The following HMCN1 variants were observed in gnomAD, a reference collection of about 807,000 sequenced individuals.
HMCN1 encodes the protein hemicentin 1, also known as hemicentin-1.
A neutral mutation model predicts 625.9 loss-of-function variants in HMCN1; 321 were observed. That is an observed-to-expected ratio of 0.51 (90% CI 0.47 to 0.56). The LOEUF is 0.56. Among genes scored for constraint, HMCN1 ranks in the 20% least tolerant of loss-of-function variants. The probability of loss-of-function intolerance (pLI) is 0.00; values close to 1 mark genes in which losing one functional copy is unlikely to be tolerated. For synonymous variants in HMCN1, 2,425 were observed against 2,417.6 expected, an observed-to-expected ratio of 1.00 and a Z score of -0.09; for missense variants, 6,588 against 6,887.3, an observed-to-expected ratio of 0.96 and a Z score of 1.54.
chr1:185,989,243 C>T (rs1007160649), intron 20 of HMCN1, among the ~76,000 whole-genome samples: 1 of 152,054 alleles, frequency 6.6e-6, no homozygotes, highest in Admixed American at 6.5e-5. Flanking sequence ...GATCTGCCCG[C>T]CTTGGCCTCC....
chr1:186,176,501 C>CT (rs1175151479), intron 103 of HMCN1, among the ~76,000 whole-genome samples: 1 of 152,160 alleles, frequency 6.6e-6, no homozygotes, highest in Non-Finnish European at 1.5e-5. Context: ...CCCATATGAT[C>CT]TTTTTTGTTT....
chr1:185,945,282 C>T (rs1668279472), intron 11 of HMCN1, among the ~76,000 whole-genome samples: 1 of 152,088 alleles, frequency 6.6e-6, no homozygotes, highest in Admixed American at 6.6e-5. Context: ...CTCATTCATA[C>T]TATGTAGTAG....
At chr1:185,839,987 A>G (rs1399291366) in intron 1 of HMCN1, among the ~76,000 whole-genome samples, 4 of 152,232 alleles carry the variant, frequency 2.6e-5, no homozygotes, top group Non-Finnish European at 5.9e-5. Flanking sequence ...CAAAACAATC[A>G]TAAGGGCCTT....
intron 41 of HMCN1, 136 bp from the exon 42 acceptor site, chr1:186,048,607 A>G (rs1656732182): frequency 6.0e-6 from 4 of 669,626 alleles, no homozygotes; most frequent in South Asian, 3.3e-5. Context: ...ATAGCCATTT[A>G]TATTGCTATT....
intron 97 of HMCN1, among the ~76,000 whole-genome samples, chr1:186,156,654 A>G (rs745349050): frequency 1.3e-5 from 2 of 152,202 alleles, no homozygotes; most frequent in Non-Finnish European, 2.9e-5. Flanking sequence ...AGCCTGTCCT[A>G]TGAAAATCAC....
chr1:186,057,375 T>C lies in HMCN1; in HGVS notation c.7286T>C (p.Leu2429Pro). Residue 2429 changes from leucine (L) to proline (P), a missense_variant, in exon 46 of 107, where the codon CTT (leucine) becomes CCT (proline). Leu to Pro is a moderately conservative substitution (Grantham distance 98). Coordinates refer to ENST00000271588, the MANE Select transcript of HMCN1 (RefSeq NM_031935.3). ...TTCAAAGATGGGTGGCCTGTCAGCC[T>C]TAGCAATTCTGTGAGGATTCTTTCA... is the stretch of plus-strand genomic sequence containing the variant. ...TWFKDGWPVS[L>P]SNSVRILSGG... The C allele has an allele frequency of 6.2e-7, 1 of 1,610,310 alleles. No homozygotes were observed. The highest frequency in any genetic ancestry group is 8.5e-7 in the Non-Finnish European group (1 of 1,176,926).
In HMCN1 at chr1:186,074,864, G is replaced by A; in HGVS notation, c.8263G>A (p.Glu2755Lys). Residue 2755 changes from glutamate to lysine, a missense_variant, in exon 53 of 107, where the codon GAG (glutamate) becomes AAG (lysine). Physicochemically the swap from Glu to Lys is moderately conservative, Grantham distance 56. Transcript: ENST00000271588. ...AGCATCTAACATTGCAGGTGAAGAT[G>A]AGTTGGATTTTGATGTGAATATTCA... ...CVASNIAGED[E>K]LDFDVNIQVP... is the part of the protein sequence containing the mutation. 3 of 1,612,776 alleles carry A rather than the reference G, an allele frequency of 1.9e-6. No homozygotes were observed. Among genetic ancestry groups the A allele is most frequent in the Non-Finnish European group, 2.5e-6 (3 of 1,179,062 alleles).
intron 4 of HMCN1, among the ~76,000 whole-genome samples, chr1:185,900,564 A>T (rs1665746719): frequency 1.3e-5 from 2 of 151,938 alleles, no homozygotes; most frequent in South Asian, 4.1e-4. Flanking sequence ...TAGACTGCCT[A>T]AAACATATAT....
chr1:186,093,948 A>G (rs1329231063), intron 66 of HMCN1, among the ~76,000 whole-genome samples: 1 of 152,072 alleles, frequency 6.6e-6, no homozygotes, highest in Non-Finnish European at 1.5e-5. Flanking sequence ...TGTTTTAGCT[A>G]AAACTTTATG....
chr1:185,923,372 A>G lies in HMCN1; in HGVS notation c.1022-18A>G. Reference sequence around the variant, plus strand: ...TTGCTTGTTTCTTGTAAATGATAACAAAATCTTTCTCTTGTAGGAATACCT... The same window carrying G: ...TTGCTTGTTTCTTGTAAATGATAACGAAATCTTTCTCTTGTAGGAATACCT... On this transcript the variant is annotated intron_variant, in intron 7 of 106. Transcript: ENST00000271588. 1 of 1,593,084 alleles carries G rather than the reference A, an allele frequency of 6.3e-7. No individual in the cohort carries two copies.
At chr1:186,122,310 G>T (rs533516452) in intron 80 of HMCN1, among the ~76,000 whole-genome samples, 33 of 152,212 alleles carry the variant, frequency 2.2e-4, no homozygotes, top group Admixed American at 1.0e-3. Context: ...TTTTTATAGT[G>T]ATGCGTTACA....
intron 1 of HMCN1, among the ~76,000 whole-genome samples, chr1:185,764,211 T>C (rs1571318994): frequency 1.3e-5 from 2 of 152,318 alleles, no homozygotes; most frequent in Non-Finnish European, 2.9e-5. Flanking sequence ...CTTTTCTACT[T>C]CTTTGCATGG....
At chr1:185,979,928 C>T (rs144778608) in intron 16 of HMCN1, among the ~76,000 whole-genome samples, 10 of 152,248 alleles carry the variant, frequency 6.6e-5, no homozygotes, top group East Asian at 1.9e-4. Flanking sequence ...GCTCACAAGA[C>T]AAAACCATAC....
intron 14 of HMCN1, 33 bp from the exon 15 acceptor site, chr1:185,970,302 G>C: frequency 1.3e-6 from 2 of 1,584,592 alleles, no homozygotes; most frequent in Non-Finnish European, 1.7e-6. Flanking sequence ...TAATACTTTA[G>C]TGTTTAATGT....
chr1:185,747,831 A>C (rs1654521451), intron 1 of HMCN1, among the ~76,000 whole-genome samples: 1 of 152,150 alleles, frequency 6.6e-6, no homozygotes. Flanking sequence ...CATTAGCAGT[A>C]AGTCTCTGAG....
chr1:186,006,217 T>G (rs1571704233), intron 29 of HMCN1, among the ~76,000 whole-genome samples: 1 of 152,044 alleles, frequency 6.6e-6, no homozygotes, highest in South Asian at 2.1e-4. Context: ...ATACAAAGTG[T>G]CATACTAAGA....
chr1:186,055,676 T>C lies in HMCN1; in HGVS notation c.7144+2T>C. The C allele has an allele frequency of 6.2e-7, 1 of 1,612,276 alleles. No individual in the cohort carries two copies. Among genetic ancestry groups the C allele is most frequent in the Non-Finnish European group, 8.5e-7 (1 of 1,178,728 alleles). On this transcript the variant is annotated splice_donor_variant, in intron 45 of 106. Transcript: ENST00000271588. LOFTEE classifies it high-confidence loss of function. Reference sequence around the variant, plus strand: ...AAAAATATGACTTAAGTGTCCATGGTAAGTAGAAAGAGGCTCAATATGTCC... The same window carrying C: ...AAAAATATGACTTAAGTGTCCATGGCAAGTAGAAAGAGGCTCAATATGTCC...
intron 1 of HMCN1, among the ~76,000 whole-genome samples, chr1:185,771,223 C>T (rs1006288919): frequency 5.9e-5 from 9 of 152,264 alleles, no homozygotes; most frequent in Admixed American, 1.3e-4. Context: ...TTGCATCATG[C>T]CCAGCAGGCT....
intron 1 of HMCN1, among the ~76,000 whole-genome samples, chr1:185,798,842 T>C (rs1658581278): frequency 6.6e-6 from 1 of 152,154 alleles, no homozygotes; most frequent in South Asian, 2.1e-4. Context: ...TTGAGCTTTT[T>C]GAAAATCAAC....
Sources: allele counts gnomAD v4.1 joint callset (sites outside exome capture counted in the v4.1 genomes callset), GRCh38; gene constraint gnomAD v4.1.1; transcripts MANE v1.5; gene names NCBI Gene and HGNC (gene_info 2026-07-23, HGNC 2026-07-21).